The following ARHGAP24 variants were observed in gnomAD, a reference collection of about 807,000 sequenced individuals.
The protein encoded by ARHGAP24 is Rho GTPase activating protein 24, also known as rho GTPase-activating protein 24.
In ARHGAP24, 50 loss-of-function variants were observed where a neutral mutation model predicts 76.4. The ratio of observed to expected loss-of-function variants is 0.65; its 90% CI spans 0.52 to 0.83. The LOEUF (loss-of-function observed/expected upper bound fraction) is 0.83, where lower values mean the gene tolerates loss of function less well. ARHGAP24 is among the 40% of genes least tolerant of loss of function. ARHGAP24 has a pLI of 0.00. For missense variants in ARHGAP24, 930 were observed against 914.2 expected, an observed-to-expected ratio of 1.02 and a Z score of -0.22; for synonymous variants, 345 against 323.3, an observed-to-expected ratio of 1.07 and a Z score of -0.72.
chr4:85,926,889 T>C (rs940175068), intron 4 of ARHGAP24, among the ~76,000 whole-genome samples: 3 of 152,186 alleles, frequency 2.0e-5, no homozygotes, highest in African/African-American at 7.2e-5. Flanking sequence ...AATAGTGTGA[T>C]CTATTACTTC....
At chr4:85,772,928 G>GT (rs11425104) in intron 3 of ARHGAP24, among the ~76,000 whole-genome samples, 23,832 of 152,122 alleles carry the variant, frequency 0.16, 2,813 homozygotes, top group East Asian at 0.66. Context: ...TTAGTATAAA[G>GT]TATATGCGCC....
At chr4:85,622,343 G>A (rs1037604168) in intron 2 of ARHGAP24, among the ~76,000 whole-genome samples, 14 of 145,584 alleles carry the variant, frequency 9.6e-5, no homozygotes, top group Non-Finnish European at 1.3e-4. Flanking sequence ...GAGAACATGC[G>A]GTGTTTGGTT....
chr4:85,781,575 A>G (rs72613145), intron 3 of ARHGAP24, among the ~76,000 whole-genome samples: 1 of 151,438 alleles, frequency 6.6e-6, no homozygotes, highest in African/African-American at 2.4e-5. Context: ...TTTAATTTTT[A>G]AAAAAATACA....
intron 2 of ARHGAP24, among the ~76,000 whole-genome samples, chr4:85,644,961 G>T (rs1168286630): frequency 6.6e-6 from 1 of 152,034 alleles, no homozygotes; most frequent in South Asian, 2.1e-4. Context: ...TTTTTGTAAA[G>T]ACTGGGCTTC....
At chr4:85,986,566 C>G (rs1740012573) in intron 8 of ARHGAP24, among the ~76,000 whole-genome samples, 1 of 152,028 alleles carries the variant, frequency 6.6e-6, no homozygotes, top group Non-Finnish European at 1.5e-5. Flanking sequence ...CCAGGTATTG[C>G]TGAGCTGAAG....
intron 3 of ARHGAP24, among the ~76,000 whole-genome samples, chr4:85,862,311 T>G (rs1283314801): frequency 6.6e-6 from 1 of 151,996 alleles, no homozygotes; most frequent in Admixed American, 6.6e-5. Flanking sequence ...GGAAATGATG[T>G]ACAGAAATTG....
At chr4:85,553,038 T>C (rs1187611588) in intron 1 of ARHGAP24, among the ~76,000 whole-genome samples, 5 of 152,106 alleles carry the variant, frequency 3.3e-5, no homozygotes, top group Non-Finnish European at 7.4e-5. Flanking sequence ...CCCGGTGGAT[T>C]TGTTGTCTCA....
chr4:85,828,750 CT>C (rs1729845882), intron 3 of ARHGAP24, among the ~76,000 whole-genome samples: 1 of 151,962 alleles, frequency 6.6e-6, no homozygotes, highest in Admixed American at 6.6e-5. Context: ...TAAAATCATG[CT>C]CTTGGGTTAA....
At chr4:85,779,350 A>C (rs1727434550) in intron 3 of ARHGAP24, among the ~76,000 whole-genome samples, 1 of 152,176 alleles carries the variant, frequency 6.6e-6, no homozygotes, top group South Asian at 2.1e-4. Flanking sequence ...GGGGAGCTTA[A>C]TGAATCTTCA....
Position 85,584,702 on chromosome 4 carries a change from T to G in ARHGAP24, c.180+13981T>G, listed in dbSNP as rs558100957. On this transcript the variant is annotated intron_variant, in intron 2 of 9. Coordinates refer to ENST00000395184, the MANE Select transcript of ARHGAP24 (RefSeq NM_001025616.3). Reference sequence around the variant, plus strand: ...TCCAGGAAGGAAAAAATAAATATTCTGTAGATATGGGCAGGATCCAAACTA... The same window carrying G: ...TCCAGGAAGGAAAAAATAAATATTCGGTAGATATGGGCAGGATCCAAACTA... 3.3e-5 allele frequency among the ~76,000 whole-genome samples: 5 copies of G among 152,258 alleles called. 1 individual carries two copies. The highest frequency in any genetic ancestry group is 1.2e-4 in the African/African-American group (5 of 41,556).
At chr4:85,503,092 T>G (rs1233721489) in intron 1 of ARHGAP24, among the ~76,000 whole-genome samples, 3 of 152,216 alleles carry the variant, frequency 2.0e-5, no homozygotes, top group Admixed American at 2.0e-4. Flanking sequence ...TGGATAAGCT[T>G]TTTGATGTTC....
chr4:85,835,101 T>C (rs1389145948), intron 3 of ARHGAP24, among the ~76,000 whole-genome samples: 1 of 152,174 alleles, frequency 6.6e-6, no homozygotes, highest in African/African-American at 2.4e-5. Context: ...GAATCATGTT[T>C]GCTGTCAGTC....
At chr4:85,831,052 A>G (rs1729971454) in intron 3 of ARHGAP24, among the ~76,000 whole-genome samples, 1 of 152,230 alleles carries the variant, frequency 6.6e-6, no homozygotes, top group African/African-American at 2.4e-5. Flanking sequence ...TAAAGTCATT[A>G]TATCAAATAC....
At chr4:85,833,285 C>A (rs539630121) in intron 3 of ARHGAP24, among the ~76,000 whole-genome samples, 1 of 152,152 alleles carries the variant, frequency 6.6e-6, no homozygotes, top group Non-Finnish European at 1.5e-5. Context: ...TCGGAATAGA[C>A]TGAACTGATT....
At chr4:85,487,675 T>C (rs1298658730) in intron 1 of ARHGAP24, among the ~76,000 whole-genome samples, 1 of 107,078 alleles carries the variant, frequency 9.3e-6, no homozygotes, top group Non-Finnish European at 1.7e-5. Flanking sequence ...TAAACATATA[T>C]TTATTATATT....
chr4:85,548,046 T>C (rs1725986981), intron 1 of ARHGAP24, among the ~76,000 whole-genome samples: 1 of 149,824 alleles, frequency 6.7e-6, no homozygotes, highest in African/African-American at 2.4e-5. Context: ...CTATAATCCA[T>C]TATAGCCGTA....
intron 3 of ARHGAP24, among the ~76,000 whole-genome samples, chr4:85,768,485 T>A (rs1450559657): frequency 1.3e-5 from 2 of 152,088 alleles, no homozygotes; most frequent in African/African-American, 4.8e-5. Context: ...AGGCCTGTAA[T>A]CCCAGCACTT....
At chr4:85,748,946 G>T (rs1250758822) in intron 3 of ARHGAP24, among the ~76,000 whole-genome samples, 1 of 152,088 alleles carries the variant, frequency 6.6e-6, no homozygotes, top group Admixed American at 6.6e-5. Context: ...TTTCTTGTCA[G>T]GCTGTCTCTC....
chr4:85,954,113 G>A (rs776098863), intron 5 of ARHGAP24, among the ~76,000 whole-genome samples: 3 of 152,168 alleles, frequency 2.0e-5, no homozygotes, highest in Non-Finnish European at 4.4e-5. Context: ...TAAAACAAAT[G>A]AGCTGCCCCA....
Sources: gnomAD v4.1 joint callset for allele counts (sites outside exome capture counted in the v4.1 genomes callset) on GRCh38, gnomAD v4.1.1 for gene constraint, MANE v1.5 for transcripts, NCBI Gene and HGNC (gene_info 2026-07-23, HGNC 2026-07-21) for gene names.